MARCHF1: variants seen among roughly 807,000 people sequenced by gnomAD.
MARCHF1 encodes membrane associated ring-CH-type finger 1.
In MARCHF1, 40 loss-of-function variants were observed where a neutral mutation model predicts 54.2. The observed-to-expected ratio is 0.74, with a 90% CI of 0.57 to 0.96. The LOEUF (loss-of-function observed/expected upper bound fraction) is 0.96, where lower values mean the gene tolerates loss of function less well. MARCHF1 is among the 40% of genes least tolerant of loss of function. The probability of loss-of-function intolerance (pLI) is 0.00; values close to 1 mark genes in which losing one functional copy is unlikely to be tolerated. For synonymous variants in MARCHF1, 236 were observed against 236.3 expected, an observed-to-expected ratio of 1.00 and a Z score of 0.01; for missense variants, 586 against 656.5, an observed-to-expected ratio of 0.89 and a Z score of 1.17.
intron 7 of MARCHF1, among the ~76,000 whole-genome samples, chr4:163,610,929 G>A (rs1278764456): frequency 6.6e-6 from 1 of 151,962 alleles, no homozygotes; most frequent in African/African-American, 2.4e-5. Context: ...GGCAGCCTCT[G>A]CCTAGATGGT....
At chr4:163,546,062 C>T (rs1738895155) in intron 8 of MARCHF1, among the ~76,000 whole-genome samples, 1 of 149,148 alleles carries the variant, frequency 6.7e-6, no homozygotes, top group Admixed American at 6.7e-5. Context: ...GCAACCGCTG[C>T]CTCCCAGGCT....
chr4:163,637,118 C>G (rs1194241301), intron 5 of MARCHF1, among the ~76,000 whole-genome samples: 2 of 151,294 alleles, frequency 1.3e-5, no homozygotes, highest in African/African-American at 2.4e-5. Flanking sequence ...AAGACTTAAG[C>G]GTTAGACCTA....
chr4:163,891,134 T>A (rs1750652481), intron 3 of MARCHF1, among the ~76,000 whole-genome samples: 1 of 152,088 alleles, frequency 6.6e-6, no homozygotes, highest in Non-Finnish European at 1.5e-5. Context: ...AGGTCGCAAT[T>A]TTGAGATCTC....
intron 4 of MARCHF1, among the ~76,000 whole-genome samples, chr4:163,836,010 C>T (rs1468755333): frequency 6.6e-6 from 1 of 152,026 alleles, no homozygotes; most frequent in Admixed American, 6.6e-5. Context: ...ATGAACCGGA[C>T]TCAGCTTGGC....
chr4:164,255,018 T>C (rs901763460), intron 1 of MARCHF1, among the ~76,000 whole-genome samples: 1 of 152,196 alleles, frequency 6.6e-6, no homozygotes, highest in Non-Finnish European at 1.5e-5. Flanking sequence ...GTGGTGGGAT[T>C]ACAGGCGTGA....
At chr4:164,350,821 T>C (rs7665467) in intron 1 of MARCHF1, among the ~76,000 whole-genome samples, 64,518 of 151,072 alleles carry the variant, frequency 0.43, 14,617 homozygotes, top group Non-Finnish European at 0.5. Context: ...ACGCAGAAGA[T>C]GGGTGATTTC....
intron 5 of MARCHF1, among the ~76,000 whole-genome samples, chr4:163,616,297 A>C (rs1205803653): frequency 1.3e-5 from 2 of 152,102 alleles, no homozygotes; most frequent in Non-Finnish European, 2.9e-5. Flanking sequence ...AAAGAAAACA[A>C]TCAACGTAGT....
chr4:163,524,419 T>C (rs555017347), downstream of MARCHF1: 10 of 152,352 alleles, frequency 6.6e-5, no homozygotes, highest in South Asian at 2.1e-3. Context: ...AATGCTGTTA[T>C]ATGCTTATTT....
At chr4:163,569,019 G>T (rs1009787316) in intron 8 of MARCHF1, among the ~76,000 whole-genome samples, 1 of 152,112 alleles carries the variant, frequency 6.6e-6, no homozygotes, top group South Asian at 2.1e-4. Context: ...GGTACGCTTT[G>T]GTGCTCCTGG....
chr4:163,542,818 C>T (rs970780763), intron 9 of MARCHF1, among the ~76,000 whole-genome samples: 2 of 152,192 alleles, frequency 1.3e-5, no homozygotes, highest in African/African-American at 4.8e-5. Flanking sequence ...TTGAGAATCA[C>T]TGTGCTAGGA....
chr4:163,704,250 A>T (rs1481658253), intron 4 of MARCHF1, among the ~76,000 whole-genome samples: 1 of 151,890 alleles, frequency 6.6e-6, no homozygotes, highest in African/African-American at 2.4e-5. Context: ...GAAAGGAGAA[A>T]CTAAGGTAAT....
chr4:163,999,623 T>G (rs985259629), intron 2 of MARCHF1, among the ~76,000 whole-genome samples: 1 of 151,554 alleles, frequency 6.6e-6, no homozygotes, highest in African/African-American at 2.4e-5. Context: ...CAATTTTTCA[T>G]AATGGGAGTG....
intron 1 of MARCHF1, among the ~76,000 whole-genome samples, chr4:164,142,819 G>A (rs6831260): frequency 0.19 from 28,242 of 152,126 alleles, 4,108 homozygotes; most frequent in African/African-American, 0.39. Context: ...AAAGCTGGAC[G>A]GAGAATGACT....
chr4:164,089,924 G>A (rs1755265221), intron 2 of MARCHF1, among the ~76,000 whole-genome samples: 1 of 151,172 alleles, frequency 6.6e-6, no homozygotes, highest in African/African-American at 2.4e-5. Flanking sequence ...CTGCCTCCTT[G>A]AGCAAATTTT....
chr4:163,649,047 T>C (rs530900495), intron 5 of MARCHF1, among the ~76,000 whole-genome samples: 4 of 152,204 alleles, frequency 2.6e-5, no homozygotes, highest in African/African-American at 7.2e-5. Flanking sequence ...TTTGAATGCA[T>C]AGCTTGAGAT....
intron 5 of MARCHF1, among the ~76,000 whole-genome samples, chr4:163,633,331 G>T (rs1314374740): frequency 1.3e-5 from 2 of 152,080 alleles, no homozygotes; most frequent in East Asian, 1.9e-4. Flanking sequence ...CAAAGGCAAA[G>T]AAGTTGAAAA....
At chr4:164,062,419 G>A (rs556556056) in intron 2 of MARCHF1, among the ~76,000 whole-genome samples, 13 of 151,962 alleles carry the variant, frequency 8.6e-5, no homozygotes, top group African/African-American at 3.1e-4. Context: ...CATCTAGAAT[G>A]GTGACTGCTT....
intron 1 of MARCHF1, among the ~76,000 whole-genome samples, chr4:164,165,354 T>TTCTCTCTCTCTCTC (rs1730346326): frequency 8.1e-6 from 1 of 123,004 alleles, no homozygotes; most frequent in South Asian, 2.4e-4. Flanking sequence ...CAAGCACGTT[T>TTCTCTCTCTCTCTC]TCTCTCTGTC....
intron 2 of MARCHF1, among the ~76,000 whole-genome samples, chr4:164,060,584 T>C (rs561423851): frequency 1.3e-5 from 2 of 152,194 alleles, no homozygotes; most frequent in Non-Finnish European, 2.9e-5. Flanking sequence ...TTGAATAAAA[T>C]AAGGATATTT....
Sources: gnomAD v4.1 joint callset for allele counts (sites outside exome capture counted in the v4.1 genomes callset) on GRCh38, gnomAD v4.1.1 for gene constraint, MANE v1.5 for transcripts, NCBI Gene and HGNC (gene_info 2026-07-23, HGNC 2026-07-21) for gene names.